Variants in STT3B observed in about 807,000 individuals in gnomAD.
STT3B encodes the protein STT3 oligosaccharyltransferase complex catalytic subunit B, also known as dolichyl-diphosphooligosaccharide--protein glycosyltransferase subunit STT3B.
In STT3B, 29 loss-of-function variants were observed where a neutral mutation model predicts 96.8. The ratio of observed to expected loss-of-function variants is 0.30; its 90% CI spans 0.22 to 0.41. The LOEUF (loss-of-function observed/expected upper bound fraction) is 0.41, where lower values mean the gene tolerates loss of function less well. Ranked by LOEUF, STT3B falls within the 10% of genes least tolerant of loss-of-function variation. STT3B has a pLI of 1.00. For synonymous variants in STT3B, 367 were observed against 360.0 expected, an observed-to-expected ratio of 1.02 and a Z score of -0.22; for missense variants, 640 against 1,022.3, an observed-to-expected ratio of 0.63 and a Z score of 5.10.
rs1028096653 is a variant in STT3B, at chr3:31,576,404, A to G, written c.323A>G (p.Tyr108Cys). The G allele has an allele frequency of 1.3e-6, 2 of 1,582,726 alleles. No individual in the cohort carries two copies. The highest frequency in any genetic ancestry group is 8.6e-7 in the Non-Finnish European group (1 of 1,162,122). ...TTATCTCTTTTCTCTAGGTTTAACT[A>G]TAGATCAACACATCATCTTGCATCT... ...IIHEFDPWFN[Y>C]RSTHHLASHG... is the part of the protein sequence containing the mutation. The change falls in exon 2 of 16, where the codon TAT (tyrosine) becomes TGT (cysteine). Residue 108 changes from tyrosine (Y) to cysteine (C), a missense_variant. Tyr to Cys is a radical substitution (Grantham distance 194). This residue lies in a region of STT3B where 267 missense variants were observed against 388.3 expected (regional missense o/e 0.69). Coordinates refer to ENST00000295770, the MANE Select transcript of STT3B (RefSeq NM_178862.3).
Position 31,545,441 on chromosome 3 carries a change from A to G in STT3B, c.314+12129A>G, listed in dbSNP as rs898903632. 3.9e-5 allele frequency among the ~76,000 whole-genome samples: 6 copies of G among 152,236 alleles called. 1 individual carries two copies. The highest frequency in any genetic ancestry group is 3.9e-4 in the Admixed American group (6 of 15,290). On this transcript the variant is annotated intron_variant, in intron 1 of 15. Transcript: ENST00000295770. ...AACTGTGTAAGAATCACAACATAAT[A>G]TACAGTTATAAATAAATTTTAAATA...
intron 1 of STT3B, among the ~76,000 whole-genome samples, chr3:31,546,023 C>G (rs537629980): frequency 2.6e-5 from 4 of 152,202 alleles, no homozygotes; most frequent in Admixed American, 6.5e-5. Context: ...ATTTATACAT[C>G]TGTTAGTTGA....
intron 8 of STT3B, 93 bp downstream of exon 8, chr3:31,618,081 G>A: frequency 1.2e-6 from 1 of 869,050 alleles, no homozygotes; most frequent in Non-Finnish European, 1.9e-6. Flanking sequence ...CTCAGTTCTT[G>A]GGCAACACTT....
intron 15 of STT3B, among the ~76,000 whole-genome samples, chr3:31,635,536 A>G (rs564836994): frequency 6.1e-4 from 93 of 152,354 alleles, no homozygotes; most frequent in African/African-American, 2.1e-3. Flanking sequence ...AGATGGTTAC[A>G]GTCATCCTCA....
At chr3:31,582,439 C>A (rs1399095075) in intron 3 of STT3B, among the ~76,000 whole-genome samples, 1 of 151,508 alleles carries the variant, frequency 6.6e-6, no homozygotes, top group Non-Finnish European at 1.5e-5. Context: ...GGACTACAGG[C>A]GCCTGCCACT....
chr3:31,610,311 T>A (rs1319280663), intron 5 of STT3B, among the ~76,000 whole-genome samples: 1 of 152,258 alleles, frequency 6.6e-6, no homozygotes. Flanking sequence ...GTGTTTTGGC[T>A]AATACTATTT....
chr3:31,625,103 A>G lies in STT3B; in HGVS notation c.1899+18A>G. 1.2e-6 allele frequency: 2 copies of G among 1,601,964 alleles called. No individual in the cohort carries two copies. Among genetic ancestry groups the G allele is most frequent in the African/African-American group, 1.3e-5 (1 of 74,492 alleles). The stretch of plus-strand genomic sequence containing the variant: ...TAGCACTGGTAAGGATTTACTAAAT[A>G]CAAGGTTAAAAAATCTTTATTCACT... On this transcript the variant is annotated intron_variant, in intron 12 of 15. Transcript: ENST00000295770.
intron 1 of STT3B, among the ~76,000 whole-genome samples, chr3:31,566,974 A>G (rs1009483347): frequency 1.6e-4 from 25 of 152,184 alleles, no homozygotes; most frequent in African/African-American, 5.8e-4. Flanking sequence ...AATGTCAGAT[A>G]TAGAATAACC....
chr3:31,583,218 A>G (rs1251687863), intron 3 of STT3B, among the ~76,000 whole-genome samples: 7 of 152,192 alleles, frequency 4.6e-5, no homozygotes, highest in Non-Finnish European at 7.3e-5. Context: ...GTTATCAGGT[A>G]CATAAATGTT....
chr3:31,615,328 C>A, intron 6 of STT3B, 125 bp downstream of exon 6: 3 of 653,230 alleles, frequency 4.6e-6, no homozygotes, highest in African/African-American at 1.8e-5. Flanking sequence ...ATCTGACTCA[C>A]AATTATGGGA....
intron 1 of STT3B, among the ~76,000 whole-genome samples, chr3:31,542,505 C>A (rs1241399445): frequency 6.6e-6 from 1 of 152,130 alleles, no homozygotes; most frequent in Non-Finnish European, 1.5e-5. Flanking sequence ...CTAGGACTGT[C>A]TTTCTTCAAA....
At chr3:31,610,791 GTGTATATGTA>G (rs1318023841) in intron 5 of STT3B, among the ~76,000 whole-genome samples, 1 of 152,082 alleles carries the variant, frequency 6.6e-6, no homozygotes, top group Non-Finnish European at 1.5e-5. Flanking sequence ...ATATATGTGT[GTGTATATGTA>G]TATACATATC....
intron 15 of STT3B, among the ~76,000 whole-genome samples, chr3:31,634,655 C>T (rs78513627): frequency 0.044 from 6,696 of 152,140 alleles, 373 homozygotes; most frequent in East Asian, 0.32. Context: ...ATCGCAAAGC[C>T]GGCATGACTA....
chr3:31,621,671 A>T (rs920092053), intron 9 of STT3B, among the ~76,000 whole-genome samples: 4 of 152,116 alleles, frequency 2.6e-5, no homozygotes, highest in Non-Finnish European at 4.4e-5. Context: ...CGTTCTTCTC[A>T]TCCCGTTTTT....
At chr3:31,586,960 G>GA (rs1237958317) in intron 3 of STT3B, among the ~76,000 whole-genome samples, 2 of 152,062 alleles carry the variant, frequency 1.3e-5, no homozygotes, top group African/African-American at 4.8e-5. Flanking sequence ...GTTTGGAATA[G>GA]AATTGTTATC....
At chr3:31,550,513 G>A (rs139690670) in intron 1 of STT3B, among the ~76,000 whole-genome samples, 2 of 152,242 alleles carry the variant, frequency 1.3e-5, no homozygotes, top group East Asian at 3.9e-4. Context: ...ATTTATGGTG[G>A]TATGACATTT....
intron 1 of STT3B, among the ~76,000 whole-genome samples, chr3:31,569,671 G>A (rs1425157742): frequency 6.6e-6 from 1 of 152,048 alleles, no homozygotes. Context: ...AAAAGAAGGA[G>A]GATATATGTG....
intron 1 of STT3B, among the ~76,000 whole-genome samples, chr3:31,560,813 T>G (rs1439921352): frequency 6.6e-6 from 1 of 152,102 alleles, no homozygotes; most frequent in Non-Finnish European, 1.5e-5. Flanking sequence ...ACTTGGGAAG[T>G]TTTCATCTAT....
chr3:31,609,358 A>G (rs1260249050), intron 5 of STT3B, among the ~76,000 whole-genome samples: 1 of 152,130 alleles, frequency 6.6e-6, no homozygotes, highest in Non-Finnish European at 1.5e-5. Flanking sequence ...ACACCTCTTA[A>G]GTTACATAAA....
Sources: allele counts gnomAD v4.1 joint callset (sites outside exome capture counted in the v4.1 genomes callset), GRCh38; gene constraint gnomAD v4.1.1; regional missense constraint gnomAD v4.1.1; transcripts MANE v1.5; gene names NCBI Gene and HGNC (gene_info 2026-07-23, HGNC 2026-07-21).